The following MAP7 variants were observed in gnomAD, a reference collection of about 807,000 sequenced individuals.
The protein encoded by MAP7 is microtubule associated protein 7, also known as ensconsin.
A neutral mutation model predicts 94.8 loss-of-function variants in MAP7; 52 were observed. That is an observed-to-expected ratio of 0.55 (90% confidence interval 0.44 to 0.69). The LOEUF (loss-of-function observed/expected upper bound fraction) is 0.69. Ranked by LOEUF, MAP7 falls within the 30% of genes least tolerant of loss-of-function variation. The pLI is 0.00. For synonymous variants in MAP7, 350 were observed against 357.0 expected (o/e 0.98, Z 0.22); for missense variants, 940 against 964.6 (o/e 0.97, Z 0.34).
intron 8 of MAP7, among the ~76,000 whole-genome samples, chr6:136,367,369 C>T (rs1202658301): frequency 6.6e-6 from 1 of 152,218 alleles, no homozygotes; most frequent in Non-Finnish European, 1.5e-5. Flanking sequence ...AGACTGCAAG[C>T]GTACATGGGA....
chr6:136,526,151 G>A (rs1178276391), intron 1 of MAP7: 5 of 1,311,640 alleles, frequency 3.8e-6, no homozygotes, highest in Middle Eastern at 2.9e-4. Flanking sequence ...TGGCAACTGA[G>A]GCCCTGCAGT....
chr6:136,420,313 G>A, intron 2 of MAP7: 2 of 746,676 alleles, frequency 2.7e-6, no homozygotes, highest in East Asian at 2.5e-5. Context: ...TGCCTGACGT[G>A]ACCAACACCA....
chr6:136,369,218 G>A (rs1795012931), intron 8 of MAP7, among the ~76,000 whole-genome samples: 1 of 152,200 alleles, frequency 6.6e-6, no homozygotes, highest in Admixed American at 6.5e-5. Context: ...TTGAATTAGA[G>A]ATACTCAATT....
At chr6:136,406,834 C>T (rs1392060947) in intron 3 of MAP7, among the ~76,000 whole-genome samples, 3 of 151,980 alleles carry the variant, frequency 2.0e-5, no homozygotes, top group African/African-American at 7.3e-5. Flanking sequence ...AAAACAAAAA[C>T]AAACAAAACA....
chr6:136,504,283 G>A (rs1318437738), intron 1 of MAP7, among the ~76,000 whole-genome samples: 1 of 152,020 alleles, frequency 6.6e-6, no homozygotes, highest in Non-Finnish European at 1.5e-5. Flanking sequence ...ACTACGGAAG[G>A]ATACACAGGA....
At chr6:136,351,487 T>G (rs543449096) in intron 16 of MAP7, among the ~76,000 whole-genome samples, 2 of 152,316 alleles carry the variant, frequency 1.3e-5, no homozygotes, top group East Asian at 3.9e-4. Flanking sequence ...CAATACTTTG[T>G]GTGGAAAGTA....
chr6:136,366,040 C>T (rs747015096), intron 9 of MAP7, 22 bp from the exon 10 acceptor site: 2 of 1,598,246 alleles, frequency 1.3e-6, no homozygotes, highest in South Asian at 2.2e-5. Flanking sequence ...ACAAACAAGG[C>T]AGACAAAAGG....
chr6:136,394,931 C>CACATATATATATATAT (rs1554243129), intron 3 of MAP7, among the ~76,000 whole-genome samples: 2 of 27,494 alleles, frequency 7.3e-5, no homozygotes, highest in Non-Finnish European at 1.8e-4. Context: ...AATATTCCAT[C>CACATATATATATATAT]ATATATATAT....
intron 1 of MAP7, among the ~76,000 whole-genome samples, chr6:136,493,249 A>C (rs1365478695): frequency 1.3e-5 from 2 of 150,526 alleles, no homozygotes; most frequent in Non-Finnish European, 2.9e-5. Context: ...CAGCCTCCCG[A>C]GTAGCTGGGA....
intron 1 of MAP7, among the ~76,000 whole-genome samples, chr6:136,520,793 A>G (rs1826174807): frequency 6.6e-6 from 1 of 152,232 alleles, no homozygotes; most frequent in Non-Finnish European, 1.5e-5. Context: ...GATGAGCATG[A>G]GTAGGACACA....
chr6:136,372,396 G>T lies in MAP7; in HGVS notation c.876+105C>A, dbSNP rs111965211. 9.9e-5 allele frequency: 130 copies of T among 1,313,646 alleles called. 2 individuals carry two copies. The African/African-American group carries it at 1.2e-3, about 12-fold the overall frequency. The allele number at this position is 1,313,646 out of a possible 1,614,324, so 81.4% of individuals were successfully genotyped here. ...GGAAAGATGGGATGGTGGATGTCAC[G>T]GTCTCCCCCTCTTACGCCCACACCA... is the stretch of plus-strand genomic sequence containing the variant. On this transcript the variant is annotated intron_variant, in intron 8 of 17. Coordinates refer to ENST00000354570, the MANE Select transcript of MAP7 (RefSeq NM_003980.6).
At chr6:136,468,439 C>T (rs912172214) in intron 1 of MAP7, among the ~76,000 whole-genome samples, 1 of 152,092 alleles carries the variant, frequency 6.6e-6, no homozygotes, top group African/African-American at 2.4e-5. Context: ...CTCTTCATCC[C>T]GATACAGATG....
At chr6:136,394,184 C>T (rs565094140) in intron 3 of MAP7, among the ~76,000 whole-genome samples, 7 of 151,962 alleles carry the variant, frequency 4.6e-5, no homozygotes, top group African/African-American at 1.7e-4. Context: ...GGGGTTTCAC[C>T]GTGTTAGCCA....
chr6:136,380,500 C>T (rs1777457274), intron 6 of MAP7, among the ~76,000 whole-genome samples: 1 of 152,142 alleles, frequency 6.6e-6, no homozygotes, highest in South Asian at 2.1e-4. Context: ...TCGAGGTCTA[C>T]CTCTGAGTCC....
intron 1 of MAP7, among the ~76,000 whole-genome samples, chr6:136,506,017 A>G (rs570085801): frequency 1.4e-4 from 22 of 152,316 alleles, no homozygotes; most frequent in African/African-American, 4.6e-4. Flanking sequence ...AATGTATTTA[A>G]GCCTTGAGAA....
At chr6:136,361,931 CTGTACAATTGTACCTCTGCT>C (rs1212884552) in intron 11 of MAP7, among the ~76,000 whole-genome samples, 2 of 152,188 alleles carry the variant, frequency 1.3e-5, no homozygotes, top group African/African-American at 4.8e-5. Flanking sequence ...AAAAAGCAGA[CTGTACAATTGTACCTCTGCT>C]GTGGTTATAA....
chr6:136,442,253 A>G (rs1798076719), intron 1 of MAP7, among the ~76,000 whole-genome samples: 1 of 151,250 alleles, frequency 6.6e-6, no homozygotes, highest in Non-Finnish European at 1.5e-5. Flanking sequence ...AAATACAAAA[A>G]AATTAGCCGG....
chr6:136,421,596 CT>C, intron 2 of MAP7, 104 bp downstream of exon 2: 1 of 1,116,236 alleles, frequency 9.0e-7, no homozygotes, highest in Non-Finnish European at 1.3e-6. Context: ...TTCGAGTTTT[CT>C]GGAAACTAGA....
chr6:136,518,360 A>G (rs1050113856), intron 1 of MAP7, among the ~76,000 whole-genome samples: 4 of 152,132 alleles, frequency 2.6e-5, no homozygotes, highest in African/African-American at 9.7e-5. Flanking sequence ...TTACTAACAA[A>G]CCATTGCTGG....
Sources: gnomAD v4.1 joint callset for allele counts (sites outside exome capture counted in the v4.1 genomes callset) on GRCh38, gnomAD v4.1.1 for gene constraint, MANE v1.5 for transcripts, NCBI Gene and HGNC (gene_info 2026-07-23, HGNC 2026-07-21) for gene names.